Variants in DNAH17 observed in about 807,000 individuals in gnomAD.
DNAH17 encodes the protein dynein axonemal heavy chain 17, also known as axonemal beta dynein heavy chain 17.
DNAH17 carries 376 observed loss-of-function variants against 485.6 expected under a neutral mutation model. The observed-to-expected ratio is 0.77, with a 90% CI of 0.71 to 0.84. DNAH17 has a LOEUF of 0.84. DNAH17 is among the 40% of genes least tolerant of loss of function. The probability of loss-of-function intolerance (pLI) is 0.00; values close to 1 mark genes in which losing one functional copy is unlikely to be tolerated. For missense variants in DNAH17, 6,370 were observed against 5,839.3 expected, an observed-to-expected ratio of 1.09 and a Z score of -2.96; for synonymous variants, 3,031 against 2,405.9, an observed-to-expected ratio of 1.26 and a Z score of -7.60.
chr17:78,516,711 AAGAG>A (rs1301169632), intron 25 of DNAH17, among the ~76,000 whole-genome samples: 27 of 149,152 alleles, frequency 1.8e-4, no homozygotes, highest in African/African-American at 2.4e-4. Flanking sequence ...AAAAAAAAAA[AAGAG>A]AGAGAGACAG....
chr17:78,551,958 A>G (rs1320024537), intron 15 of DNAH17, among the ~76,000 whole-genome samples: 5 of 137,530 alleles, frequency 3.6e-5, no homozygotes, highest in Non-Finnish European at 7.9e-5. Context: ...GTGAGACTCT[A>G]TCTCAGGAAA....
intron 9 of DNAH17, among the ~76,000 whole-genome samples, chr17:78,567,656 GAC>G (rs1469172470): frequency 1.3e-5 from 2 of 152,166 alleles, no homozygotes; most frequent in Non-Finnish European, 2.9e-5. Context: ...TGCTTGGATG[GAC>G]ACACGTGTAG....
In DNAH17 at chr17:78,485,050, G is replaced by A. The variant is rs762847665; in HGVS notation, c.7484-17C>T. On this transcript the variant is annotated splice_polypyrimidine_tract_variant and intron_variant, in intron 47 of 80. Transcript: ENST00000389840. ...CCAGCACCCCTAGAGAGGGCAGAGGGTCAGCTGCCCGCCTGCGCCTCCTGA... is the reference window on the plus strand; with the variant it reads ...CCAGCACCCCTAGAGAGGGCAGAGGATCAGCTGCCCGCCTGCGCCTCCTGA... 1.6e-5 allele frequency: 25 copies of A among 1,584,460 alleles called. No individual in the cohort carries two copies. The highest frequency in any genetic ancestry group is 3.4e-4 in the Middle Eastern group (2 of 5,912).
intron 25 of DNAH17, among the ~76,000 whole-genome samples, chr17:78,515,991 G>A (rs925469607): frequency 6.6e-6 from 1 of 152,208 alleles, no homozygotes; most frequent in Non-Finnish European, 1.5e-5. Flanking sequence ...AAATGGCTGT[G>A]AAGCTGGAAA....
intron 65 of DNAH17, among the ~76,000 whole-genome samples, chr17:78,452,864 T>A (rs2087613956): frequency 6.6e-6 from 1 of 152,014 alleles, no homozygotes; most frequent in Non-Finnish European, 1.5e-5. Flanking sequence ...GTAGTGGATG[T>A]TAGGGCTCAG....
chr17:78,450,414 GT>G lies in DNAH17; in HGVS notation c.10900-21del. 1 of 1,613,158 alleles carries G rather than the reference GT, an allele frequency of 6.2e-7. No individual in the cohort carries two copies. The highest frequency in any genetic ancestry group is 8.5e-7 in the Non-Finnish European group (1 of 1,179,654). ...CACCACCTCGACACAAACAAAAGGG[GT>G]GTGAATGACACAGCAGATGGGCAGT... is the stretch of plus-strand genomic sequence containing the variant. On this transcript the variant is annotated intron_variant, in intron 67 of 80. Transcript: ENST00000389840.
chr17:78,453,767 A>C (rs896018745), intron 64 of DNAH17, among the ~76,000 whole-genome samples: 6 of 152,234 alleles, frequency 3.9e-5, no homozygotes, highest in African/African-American at 1.4e-4. Flanking sequence ...GGTTCACTGC[A>C]ACCTTGACCT....
Position 78,459,176 on chromosome 17 carries a change from T to G in DNAH17, c.9686A>C (p.Glu3229Ala). 6.2e-7 allele frequency: 1 copy of G among 1,613,882 alleles called. No homozygotes were observed. Among genetic ancestry groups the G allele is most frequent in the Non-Finnish European group, 8.5e-7 (1 of 1,179,868 alleles). Residue 3229 changes from glutamate to alanine, a missense_variant, in exon 61 of 81, where the codon GAG (glutamate) becomes GCG (alanine). By Grantham distance (107) the Glu-to-Ala change is moderately radical. Transcript: ENST00000389840. ...PYQGNPTFDP[E>A]FIRSKSTAAA... ...GGCCGTGGACTTGGAGCGGATGAAC[T>G]CGGGGTCGAACGTCGGGTTGCCTTG...
intron 19 of DNAH17, 160 bp from the exon 20 acceptor site, chr17:78,532,896 C>T (rs983519310): frequency 6.1e-6 from 5 of 822,312 alleles, no homozygotes; most frequent in Non-Finnish European, 9.1e-6. Context: ...GATCACCCCT[C>T]TTTAGGCAAC....
chr17:78,459,729 G>T, intron 60 of DNAH17, 55 bp downstream of exon 60: 1 of 1,598,838 alleles, frequency 6.3e-7, no homozygotes, highest in Non-Finnish European at 8.6e-7. Context: ...ATCGTGCCTT[G>T]GCCTGATGGA....
chr17:78,558,538 A>ACAT (rs1169219698), intron 13 of DNAH17, among the ~76,000 whole-genome samples: 2 of 151,758 alleles, frequency 1.3e-5, no homozygotes, highest in Admixed American at 1.3e-4. Flanking sequence ...TGGGTGGATG[A>ACAT]CATCATCATT....
intron 45 of DNAH17, 33 bp downstream of exon 45, chr17:78,486,191 T>G: frequency 6.3e-7 from 1 of 1,591,208 alleles, no homozygotes; most frequent in East Asian, 2.2e-5. Context: ...TGAGAGACCC[T>G]GTGTGGGTGG....
intron 7 of DNAH17, among the ~76,000 whole-genome samples, chr17:78,569,988 C>T (rs1181453740): frequency 3.3e-5 from 5 of 152,188 alleles, no homozygotes; most frequent in South Asian, 2.1e-4. Context: ...AGATGGGTCT[C>T]GGGGTACGGG....
intron 54 of DNAH17, among the ~76,000 whole-genome samples, chr17:78,471,510 T>G (rs767511424): frequency 1.3e-5 from 2 of 152,144 alleles, no homozygotes; most frequent in African/African-American, 2.4e-5. Flanking sequence ...AGAAATCTTT[T>G]CCTTTTTTGT....
rs768680320 is a variant in DNAH17 at position 78,459,102 on chromosome 17, C to A, written c.9760G>T (p.Val3254Phe). 7 of 1,614,038 alleles carry A rather than the reference C, an allele frequency of 4.3e-6. No individual in the cohort carries two copies. The East Asian group carries it at 1.6e-4, about 36-fold the overall frequency. The part of the protein sequence containing the change: ...WCINIVRFYE[V>F]YCDVAPKRQA... ...CTCTTGGGCGCCACGTCGCAGTAGACCTCGTAGAAGCGGACGATGTTGATG... is the reference window on the plus strand; with the variant it reads ...CTCTTGGGCGCCACGTCGCAGTAGAACTCGTAGAAGCGGACGATGTTGATG... Residue 3254 changes from valine (V) to phenylalanine (F), a missense_variant, in exon 61 of 81, where the codon GTC becomes TTC. Coordinates refer to ENST00000389840, the MANE Select transcript of DNAH17 (RefSeq NM_173628.4).
chr17:78,569,983 G>A (rs183257891), intron 7 of DNAH17, among the ~76,000 whole-genome samples: 1 of 152,324 alleles, frequency 6.6e-6, no homozygotes, highest in East Asian at 1.9e-4. Flanking sequence ...GCACTAGATG[G>A]GTCTCGGGGT....
At chr17:78,572,598 G>A in intron 3 of DNAH17, 103 bp downstream of exon 3, 1 of 1,104,452 alleles carries the variant, frequency 9.1e-7, no homozygotes, top group Non-Finnish European at 1.3e-6. Context: ...CACTCTGCAG[G>A]GAAACAACGG....
intron 24 of DNAH17, among the ~76,000 whole-genome samples, chr17:78,526,287 G>A (rs77134151): frequency 0.13 from 20,052 of 152,270 alleles, 1,724 homozygotes; most frequent in Middle Eastern, 0.22. Flanking sequence ...ATTAAGCCCA[G>A]GGGACAGGAA....
intron 54 of DNAH17, among the ~76,000 whole-genome samples, chr17:78,473,187 T>C (rs933385927): frequency 6.6e-6 from 1 of 152,146 alleles, no homozygotes. Flanking sequence ...CCCAATACAA[T>C]TCAGGAACTT....
Sources: allele counts gnomAD v4.1 joint callset (sites outside exome capture counted in the v4.1 genomes callset), GRCh38; gene constraint gnomAD v4.1.1; transcripts MANE v1.5; gene names NCBI Gene and HGNC (gene_info 2026-07-23, HGNC 2026-07-21).